The following MAPK6 variants were observed in gnomAD, a reference collection of about 807,000 sequenced individuals.
MAPK6 encodes the protein ERK-3.
In MAPK6, 19 loss-of-function variants were observed where a neutral mutation model predicts 59.3. The ratio of observed to expected loss-of-function variants is 0.32; its 90% CI spans 0.22 to 0.47. MAPK6 has a LOEUF of 0.47. Ranked by LOEUF, MAPK6 falls within the 20% of genes least tolerant of loss-of-function variation. The probability of loss-of-function intolerance (pLI) is 1.00; values close to 1 mark genes in which losing one functional copy is unlikely to be tolerated. For missense variants in MAPK6, 724 were observed against 847.9 expected, an observed-to-expected ratio of 0.85 and a Z score of 1.81; for synonymous variants, 316 against 290.3, an observed-to-expected ratio of 1.09 and a Z score of -0.90.
intron 3 of MAPK6, among the ~76,000 whole-genome samples, chr15:52,007,847 CT>C (rs71425727): frequency 1.1e-3 from 154 of 139,804 alleles, no homozygotes; most frequent in Middle Eastern, 3.6e-3. Context: ...TATTTCACCT[CT>C]TTTTTTTTTT....
chr15:52,035,887 A>AT (rs756123578), intron 1 of MAPK6, among the ~76,000 whole-genome samples: 1 of 151,794 alleles, frequency 6.6e-6, no homozygotes, highest in Non-Finnish European at 1.5e-5. Flanking sequence ...TATTATTTAG[A>AT]TTTCTTTACA....
In MAPK6 at chr15:52,014,069, A is replaced by AT. The variant is rs763328315; in HGVS notation, c.-632+9681dup. Among the ~76,000 whole-genome samples, 629 of 140,662 alleles carry AT rather than the reference A, an allele frequency of 4.5e-3. 7 individuals are homozygous for AT. The highest frequency in any genetic ancestry group is 0.04 in the South Asian group (175 of 4,426). 92.3% of individuals were successfully genotyped at this position (140,662 alleles called of 152,430 possible). On this transcript the variant is annotated intron_variant, in intron 3 of 7. Transcript: ENST00000691380. ...GTCTTTGTACATTCTTTCATCTGGG[A>AT]TTTTTTTTTTTTTTCCAGATACTAC... is the stretch of plus-strand genomic sequence containing the variant.
At position 52,048,549 on chromosome 15, in the gene MAPK6, A is replaced by G. The variant is rs186977163; in HGVS notation, c.556-1444A>G. ...GGAGAATCCAGGAGGTGGAGGTTGC[A>G]AAGAGCTGAGATTGCGCCAATGCAC... On this transcript the variant is annotated intron_variant, in intron 2 of 5. Transcript: ENST00000261845. 2.5e-4 allele frequency among the ~76,000 whole-genome samples: 38 copies of G among 152,298 alleles called. No individual in the cohort carries two copies. The East Asian group carries it at 5.6e-3, about 23-fold the overall frequency.
intron 3 of MAPK6, among the ~76,000 whole-genome samples, chr15:52,056,404 A>C (rs1366597826): frequency 6.6e-6 from 1 of 151,876 alleles, no homozygotes; most frequent in Admixed American, 6.5e-5. Flanking sequence ...ACTGCCACAT[A>C]CTACTGTACT....
rs2030429131 is a variant in MAPK6, at chr15:52,019,636, C to T, written c.-632+260C>T. Among the ~76,000 whole-genome samples, 6 of 146,456 alleles carry T rather than the reference C, an allele frequency of 4.1e-5. No individual in the cohort carries two copies. The South Asian group carries it at 1.2e-3, about 30-fold the overall frequency. On this transcript the variant is annotated intron_variant, in intron 1 of 5. Coordinates refer to ENST00000261845, the MANE Select transcript of MAPK6 (RefSeq NM_002748.4). ...GGCGGGCGGGCGGCGGGCTGGGGTC[C>T]CCGCGTGGGGCCGGCCAGGCGGCCA...
intron 2 of MAPK6, among the ~76,000 whole-genome samples, chr15:51,997,364 C>T (rs927631269): frequency 2.0e-5 from 3 of 150,936 alleles, no homozygotes; most frequent in Non-Finnish European, 2.9e-5. Context: ...CTCTGCCTCC[C>T]GGGTTCAAAT....
intron 1 of MAPK6, among the ~76,000 whole-genome samples, chr15:52,023,254 C>T (rs1010605999): frequency 6.6e-5 from 10 of 152,028 alleles, no homozygotes; most frequent in African/African-American, 2.2e-4. Context: ...CCTTGTGTTA[C>T]TCTAGGTCCC....
intron 3 of MAPK6, among the ~76,000 whole-genome samples, chr15:52,057,849 T>C (rs1219433552): frequency 2.6e-5 from 4 of 152,246 alleles, no homozygotes; most frequent in Non-Finnish European, 5.9e-5. Flanking sequence ...CTTTATAGCA[T>C]ATGTCACCAT....
At chr15:51,996,258 G>T (rs1052000004) in intron 2 of MAPK6, among the ~76,000 whole-genome samples, 1 of 152,160 alleles carries the variant, frequency 6.6e-6, no homozygotes, top group South Asian at 2.1e-4. Context: ...CAATACCCCC[G>T]CCAAGATTGT....
At chr15:52,040,266 C>T (rs2031376395) in intron 1 of MAPK6, among the ~76,000 whole-genome samples, 2 of 152,342 alleles carry the variant, frequency 1.3e-5, no homozygotes, top group South Asian at 4.1e-4. Context: ...CCTTTCCCTT[C>T]TGTCCAAAAG....
chr15:52,042,508 C>G (rs1012159904), intron 1 of MAPK6, among the ~76,000 whole-genome samples: 6 of 151,694 alleles, frequency 4.0e-5, no homozygotes, highest in African/African-American at 1.5e-4. Flanking sequence ...CTTGAAGTTT[C>G]TAGTTTGTGA....
At chr15:52,055,146 A>T (rs2031926685) in intron 3 of MAPK6, among the ~76,000 whole-genome samples, 1 of 152,202 alleles carries the variant, frequency 6.6e-6, no homozygotes, top group Admixed American at 6.5e-5. Context: ...GGTGGCTAAT[A>T]CATGTAATCC....
intron 1 of MAPK6, among the ~76,000 whole-genome samples, chr15:52,041,915 ATTGT>A (rs769852299): frequency 1.3e-5 from 2 of 152,306 alleles, no homozygotes; most frequent in Non-Finnish European, 2.9e-5. Context: ...TTTTAAAAAA[ATTGT>A]TTGTCTCTAG....
Position 51,980,441 on chromosome 15 carries a change from A to G in MAPK6, c.-879-2765A>G, listed in dbSNP as rs1406146752. Among the ~76,000 whole-genome samples the G allele has an allele frequency of 2.0e-5, 3 of 150,044 alleles. No individual in the cohort carries two copies. The East Asian group carries it at 5.8e-4, about 29-fold the overall frequency. On this transcript the variant is annotated intron_variant, in intron 1 of 7. Coordinates refer to the MAPK6 transcript ENST00000691380. ...GTATTTGTTTTAGAATAAGCAGGAA[A>G]AAACCTTTGTTTAGGTAGCATATCC...
Position 52,046,733 on chromosome 15 carries a change from A to G in MAPK6, c.273A>G (p.Leu91=). ...TTCTTGGTCCCAGTGGAAGCCAATTAACAGACGATGTGGGCTCTCTTACGG... is the reference window on the plus strand; with the variant it reads ...TTCTTGGTCCCAGTGGAAGCCAATTGACAGACGATGTGGGCTCTCTTACGG... ...FEILGPSGSQ[L]TDDVGSLTEL... Residue 91 remains leucine (L), a synonymous_variant, in exon 2 of 6, where the codon TTA becomes TTG. Coordinates refer to ENST00000261845, the MANE Select transcript of MAPK6 (RefSeq NM_002748.4). 6.2e-7 allele frequency: 1 copy of G among 1,614,250 alleles called. No individual in the cohort carries two copies. Among genetic ancestry groups the G allele is most frequent in the Non-Finnish European group, 8.5e-7 (1 of 1,180,042 alleles).
chr15:52,028,109 C>T (rs1309457051), intron 1 of MAPK6, among the ~76,000 whole-genome samples: 2 of 151,988 alleles, frequency 1.3e-5, no homozygotes, highest in African/African-American at 4.8e-5. Context: ...CCTGCCACCA[C>T]GCCCGGCTAA....
Position 51,985,785 on chromosome 15 carries a change from C to A in MAPK6, c.-770+2470C>A, listed in dbSNP as rs770955614. ...CATCCTGGCTAACACGGTGAAACCC[C>A]GTCTTTACTAAAAATACAAAAAATT... is the stretch of plus-strand genomic sequence containing the variant. On this transcript the variant is annotated intron_variant, in intron 2 of 7. Coordinates refer to the MAPK6 transcript ENST00000691380. 2.0e-5 allele frequency among the ~76,000 whole-genome samples: 3 copies of A among 151,960 alleles called. No individual in the cohort carries two copies. The South Asian group carries it at 6.2e-4, about 31-fold the overall frequency.
intron 2 of MAPK6, among the ~76,000 whole-genome samples, chr15:51,999,337 G>A (rs1323928679): frequency 2.6e-5 from 4 of 152,192 alleles, no homozygotes; most frequent in Non-Finnish European, 5.9e-5. Context: ...TGGGTATAAA[G>A]TGGTATCTCA....
At chr15:52,053,173 A>C (rs545633514) in intron 3 of MAPK6, among the ~76,000 whole-genome samples, 1 of 151,764 alleles carries the variant, frequency 6.6e-6, no homozygotes, top group East Asian at 1.9e-4. Flanking sequence ...CCCAGGTTCA[A>C]ACAGTTCTCC....
Sources: allele counts gnomAD v4.1 joint callset (sites outside exome capture counted in the v4.1 genomes callset), GRCh38; gene constraint gnomAD v4.1.1; transcripts MANE v1.5; gene names NCBI Gene and HGNC (gene_info 2026-07-23, HGNC 2026-07-21).